GLIS1: variants seen among roughly 807,000 people sequenced by gnomAD.
GLIS1 encodes the protein GLIS family zinc finger 1, also known as zinc finger protein GLIS1.
In GLIS1, 24 loss-of-function variants were observed where a neutral mutation model predicts 63.8. That is an observed-to-expected ratio of 0.38 (90% CI 0.27 to 0.53). GLIS1 has a LOEUF of 0.53. Among genes scored for constraint, GLIS1 ranks in the 20% least tolerant of loss-of-function variants. The pLI is 0.85. For synonymous variants in GLIS1, 450 were observed against 482.5 expected (o/e 0.93, Z 0.88); for missense variants, 1,036 against 1,074.1 (o/e 0.96, Z 0.50).
At chr1:53,576,246 C>T (rs1645031010) in intron 4 of GLIS1, among the ~76,000 whole-genome samples, 1 of 152,124 alleles carries the variant, frequency 6.6e-6, no homozygotes, top group South Asian at 2.1e-4. Flanking sequence ...AATCCTCTCT[C>T]CTCCATCCTC....
chr1:53,606,591 C>T (rs1457911553), intron 2 of GLIS1, among the ~76,000 whole-genome samples: 1 of 152,228 alleles, frequency 6.6e-6, no homozygotes, highest in African/African-American at 2.4e-5. Flanking sequence ...TCCCTCTTTT[C>T]CCTCCTCACA....
Position 53,574,238 on chromosome 1 carries a change from G to C in GLIS1, c.1320+19870C>G, listed in dbSNP as rs1333719405. Among the ~76,000 whole-genome samples, 1 of 152,140 alleles carries C rather than the reference G, an allele frequency of 6.6e-6. No individual in the cohort carries two copies. The highest frequency in any genetic ancestry group is 1.5e-5 in the Non-Finnish European group (1 of 68,028). ...TTCCACACATATCACTGGGCCTTTGGTCAGCTTCCCCTGCCACTGCCCCAT... is the reference window on the plus strand; with the variant it reads ...TTCCACACATATCACTGGGCCTTTGCTCAGCTTCCCCTGCCACTGCCCCAT... On this transcript the variant is annotated intron_variant, in intron 4 of 10. Coordinates refer to ENST00000628545, the MANE Select transcript of GLIS1 (RefSeq NM_001367484.1). The surrounding 1 kb of genome is among the most constrained non-coding windows in gnomAD (Gnocchi z 4.2).
chr1:53,659,488 G>A (rs562380019), intron 2 of GLIS1, among the ~76,000 whole-genome samples: 1 of 152,314 alleles, frequency 6.6e-6, no homozygotes, highest in South Asian at 2.1e-4. Context: ...GAGGCCCAGA[G>A]AAGCCAAAGG....
At chr1:53,654,190 T>C (rs554486198) in intron 2 of GLIS1, among the ~76,000 whole-genome samples, 94 of 152,318 alleles carry the variant, frequency 6.2e-4, no homozygotes, top group South Asian at 2.3e-3. Flanking sequence ...AAATACTTAT[T>C]GAGCACTCCT....
At chr1:53,621,664 A>G (rs754846788) in intron 2 of GLIS1, among the ~76,000 whole-genome samples, 6 of 151,948 alleles carry the variant, frequency 3.9e-5, no homozygotes, top group Non-Finnish European at 7.4e-5. Flanking sequence ...TAGTTTTAGT[A>G]ATACGTTTTC....
intron 2 of GLIS1, among the ~76,000 whole-genome samples, chr1:53,623,282 T>G (rs903800316): frequency 2.0e-5 from 3 of 152,198 alleles, no homozygotes; most frequent in African/African-American, 7.2e-5. Flanking sequence ...ATAATTCACT[T>G]AATCAAAAGA....
chr1:53,638,518 G>C (rs1157924336), intron 2 of GLIS1, among the ~76,000 whole-genome samples: 1 of 152,160 alleles, frequency 6.6e-6, no homozygotes, highest in Non-Finnish European at 1.5e-5. Flanking sequence ...AGCCCAGTCT[G>C]TCCTCCCTTG....
intron 2 of GLIS1, among the ~76,000 whole-genome samples, chr1:53,630,229 G>C (rs1645637509): frequency 6.6e-6 from 1 of 152,142 alleles, no homozygotes; most frequent in Non-Finnish European, 1.5e-5. Context: ...ATCACACCAT[G>C]ATTTATTTAG....
chr1:53,533,323 A>G (rs1033508366), intron 4 of GLIS1, among the ~76,000 whole-genome samples: 3 of 152,110 alleles, frequency 2.0e-5, no homozygotes, highest in Non-Finnish European at 4.4e-5. Flanking sequence ...CATCTCAATC[A>G]TGGGGCAAAG....
rs1645257730 is a variant in GLIS1, at chr1:53,596,612, T to C, written c.438-1622A>G. Among the ~76,000 whole-genome samples, 3 of 152,146 alleles carry C rather than the reference T, an allele frequency of 2.0e-5. No individual in the cohort carries two copies. In the South Asian group the frequency reaches 6.2e-4, roughly 32 times the overall value. The stretch of plus-strand genomic sequence containing the variant: ...AGCTCTTATCGCCATTCACCACCAC[T>C]GTCTTGGGGCTCTCTGCAGCCAGAG... On this transcript the variant is annotated intron_variant, in intron 3 of 10. Transcript: ENST00000628545.
At chr1:53,668,638 G>A (rs754990726) in intron 2 of GLIS1, among the ~76,000 whole-genome samples, 1 of 152,202 alleles carries the variant, frequency 6.6e-6, no homozygotes, top group Non-Finnish European at 1.5e-5. Context: ...TGGGATTACA[G>A]GTGTGAGCCA....
chr1:53,710,486 C>T (rs943919613), intron 2 of GLIS1, among the ~76,000 whole-genome samples: 4 of 152,266 alleles, frequency 2.6e-5, no homozygotes, highest in African/African-American at 9.6e-5. Flanking sequence ...CCCAAGGTCA[C>T]GCAGTGAGAG....
chr1:53,527,594 C>G (rs959194904), intron 5 of GLIS1, among the ~76,000 whole-genome samples: 3 of 152,234 alleles, frequency 2.0e-5, no homozygotes, highest in Non-Finnish European at 4.4e-5. Flanking sequence ...AGAAACTTTC[C>G]CGCCCATGGA....
At chr1:53,620,048 T>C (rs1645525669) in intron 2 of GLIS1, among the ~76,000 whole-genome samples, 1 of 152,210 alleles carries the variant, frequency 6.6e-6, no homozygotes. Context: ...TTTATGAGTG[T>C]GTCTCAAAGG....
chr1:53,551,818 G>A (rs991336891), intron 4 of GLIS1, among the ~76,000 whole-genome samples: 4 of 151,946 alleles, frequency 2.6e-5, no homozygotes, highest in Non-Finnish European at 4.4e-5. Context: ...GGATGTACCC[G>A]GTGGTTCCTG....
At chr1:53,733,897 C>T in intron 2 of GLIS1, 1 of 984,940 alleles carries the variant, frequency 1.0e-6, no homozygotes, top group East Asian at 1.1e-4. Context: ...TTAAAAGTCA[C>T]TCATACCTTT....
chr1:53,540,802 A>G (rs1415043765), intron 4 of GLIS1, among the ~76,000 whole-genome samples: 1 of 152,216 alleles, frequency 6.6e-6, no homozygotes, highest in Non-Finnish European at 1.5e-5. Flanking sequence ...GCACTGTACA[A>G]CATACATCTG....
chr1:53,732,313 C>A (rs1374960850), intron 2 of GLIS1, among the ~76,000 whole-genome samples: 1 of 152,168 alleles, frequency 6.6e-6, no homozygotes, highest in Admixed American at 6.5e-5. Context: ...TTCTCTCCAC[C>A]CCTACCCAGC....
chr1:53,735,681 GGTATTTCT>G (rs1463646310), intron 2 of GLIS1, among the ~76,000 whole-genome samples: 22 of 152,232 alleles, frequency 1.4e-4, no homozygotes, highest in African/African-American at 5.3e-4. Context: ...TTTTTCAATT[GGTATTTCT>G]GTCTGTTTCC....
Sources: allele counts gnomAD v4.1 joint callset (sites outside exome capture counted in the v4.1 genomes callset), GRCh38; gene constraint gnomAD v4.1.1; non-coding constraint Gnocchi (gnomAD v3.1); transcripts MANE v1.5; gene names NCBI Gene and HGNC (gene_info 2026-07-23, HGNC 2026-07-21).